The following WDR70 variants were observed in gnomAD, a reference collection of about 807,000 sequenced individuals.
WDR70 encodes the protein WD repeat domain 70.
WDR70 carries 53 observed loss-of-function variants against 88.6 expected under a neutral mutation model. The ratio of observed to expected loss-of-function variants is 0.60; its 90% CI spans 0.48 to 0.75. The LOEUF is 0.75. Among genes scored for constraint, WDR70 ranks in the 30% least tolerant of loss-of-function variants. The pLI is 0.00. For synonymous variants in WDR70, 280 were observed against 270.0 expected (o/e 1.04, Z -0.36); for missense variants, 610 against 823.2 (o/e 0.74, Z 3.17).
At chr5:37,457,536 A>G (rs113861980) in intron 7 of WDR70, among the ~76,000 whole-genome samples, 7,354 of 152,282 alleles carry the variant, frequency 0.048, 575 homozygotes, top group African/African-American at 0.16. Context: ...ACAAATGCAT[A>G]TACCCTCAGA....
chr5:37,586,104 A>C (rs1286491248), intron 9 of WDR70, among the ~76,000 whole-genome samples: 2 of 152,122 alleles, frequency 1.3e-5, no homozygotes, highest in Non-Finnish European at 2.9e-5. Flanking sequence ...TAGGAGCCAA[A>C]TCGAGTGTTA....
At chr5:37,413,872 A>G (rs1418586825) in intron 5 of WDR70, among the ~76,000 whole-genome samples, 3 of 152,114 alleles carry the variant, frequency 2.0e-5, no homozygotes, top group African/African-American at 4.8e-5. Flanking sequence ...CTTGCCGGGC[A>G]CAGTGGCTCA....
intron 17 of WDR70, among the ~76,000 whole-genome samples, chr5:37,745,417 A>G (rs180717704): frequency 1.3e-5 from 2 of 151,570 alleles, no homozygotes; most frequent in African/African-American, 4.9e-5. Flanking sequence ...GAATTCACAC[A>G]TAACAATACT....
chr5:37,664,761 G>A (rs1489092570), intron 10 of WDR70, among the ~76,000 whole-genome samples: 3 of 152,232 alleles, frequency 2.0e-5, no homozygotes, highest in African/African-American at 7.2e-5. Flanking sequence ...ACCTGGCATA[G>A]TGCCTTGCAC....
intron 9 of WDR70, among the ~76,000 whole-genome samples, chr5:37,529,140 G>T (rs1741403424): frequency 6.6e-6 from 1 of 151,942 alleles, no homozygotes; most frequent in South Asian, 2.1e-4. Context: ...GTAAGTTTTT[G>T]ATTTTATTTC....
chr5:37,417,408 A>G (rs1476406138), intron 5 of WDR70, among the ~76,000 whole-genome samples: 1 of 151,940 alleles, frequency 6.6e-6, no homozygotes, highest in African/African-American at 2.4e-5. Context: ...TGTGTTTTCT[A>G]GAGATGGAGT....
chr5:37,730,567 A>G (rs1748117987), intron 17 of WDR70, among the ~76,000 whole-genome samples: 2 of 152,238 alleles, frequency 1.3e-5, no homozygotes, highest in Middle Eastern at 6.8e-3. Flanking sequence ...CCGTTGTACG[A>G]ATTTATCATA....
chr5:37,554,964 G>A (rs561807933), intron 9 of WDR70, among the ~76,000 whole-genome samples: 6 of 152,280 alleles, frequency 3.9e-5, no homozygotes, highest in Admixed American at 3.3e-4. Flanking sequence ...TTTAAATTAT[G>A]TTTCTTATGT....
intron 10 of WDR70, among the ~76,000 whole-genome samples, chr5:37,624,625 A>G (rs1005238886): frequency 6.6e-6 from 1 of 152,212 alleles, no homozygotes; most frequent in Admixed American, 6.5e-5. Flanking sequence ...AGGCAGATTA[A>G]TTAGAGAAAA....
chr5:37,407,317 G>T (rs1377309741), intron 5 of WDR70, among the ~76,000 whole-genome samples: 1 of 152,152 alleles, frequency 6.6e-6, no homozygotes, highest in South Asian at 2.1e-4. Flanking sequence ...GAGCTCAGGA[G>T]TTCAAGAACA....
intron 10 of WDR70, among the ~76,000 whole-genome samples, chr5:37,629,386 CT>C (rs199796275): frequency 6.6e-6 from 1 of 152,128 alleles, no homozygotes; most frequent in Non-Finnish European, 1.5e-5. Flanking sequence ...CTTTACCCTT[CT>C]TTTTTCCATC....
intron 10 of WDR70, among the ~76,000 whole-genome samples, chr5:37,611,361 A>G (rs1014084820): frequency 1.3e-5 from 2 of 152,110 alleles, no homozygotes; most frequent in Non-Finnish European, 2.9e-5. Flanking sequence ...CTAAAAATGA[A>G]AGCAGTATTT....
chr5:37,397,370 G>A (rs1418435921), intron 5 of WDR70, among the ~76,000 whole-genome samples: 5 of 151,974 alleles, frequency 3.3e-5, no homozygotes, highest in African/African-American at 9.7e-5. Context: ...CTGAGAGGCC[G>A]AGGCAGGAGA....
chr5:37,383,555 C>T (rs935703378), intron 3 of WDR70, among the ~76,000 whole-genome samples: 20 of 151,102 alleles, frequency 1.3e-4, no homozygotes, highest in African/African-American at 4.9e-4. Context: ...AACCACTGTG[C>T]CAGGCCAAAA....
intron 3 of WDR70, among the ~76,000 whole-genome samples, chr5:37,386,055 C>T (rs1392672681): frequency 2.6e-5 from 4 of 151,552 alleles, no homozygotes; most frequent in Non-Finnish European, 2.9e-5. Flanking sequence ...CCTCATGATC[C>T]GCCCCCCTCA....
chr5:37,694,794 A>G (rs770569611), intron 10 of WDR70, among the ~76,000 whole-genome samples: 5 of 152,004 alleles, frequency 3.3e-5, no homozygotes, highest in Non-Finnish European at 7.4e-5. Context: ...ATGTATACCT[A>G]TGTATCAAAC....
intron 8 of WDR70, among the ~76,000 whole-genome samples, chr5:37,508,274 C>T (rs938753239): frequency 6.6e-6 from 1 of 151,904 alleles, no homozygotes; most frequent in African/African-American, 2.4e-5. Context: ...GATTAGTGCC[C>T]TTCTGAAAAA....
intron 10 of WDR70, among the ~76,000 whole-genome samples, chr5:37,681,995 A>G (rs772133364): frequency 3.3e-5 from 5 of 152,080 alleles, no homozygotes; most frequent in African/African-American, 4.8e-5. Flanking sequence ...GAGTATGTTT[A>G]GTAGGAATGG....
chr5:37,437,745 G>C (rs1037438642), intron 5 of WDR70, among the ~76,000 whole-genome samples, 177 bp from the exon 6 acceptor site: 1 of 151,974 alleles, frequency 6.6e-6, no homozygotes, highest in African/African-American at 2.4e-5. Flanking sequence ...ACCCATTGTA[G>C]TGTATCTAGA....
Sources: allele counts gnomAD v4.1 joint callset (sites outside exome capture counted in the v4.1 genomes callset), GRCh38; gene constraint gnomAD v4.1.1; transcripts MANE v1.5; gene names NCBI Gene and HGNC (gene_info 2026-07-23, HGNC 2026-07-21).